Variants in DDAH1 observed in about 807,000 individuals in gnomAD.
The protein encoded by DDAH1 is N(G),N(G)-dimethylarginine dimethylaminohydrolase 1.
In DDAH1, 19 loss-of-function variants were observed where a neutral mutation model predicts 28.8. The ratio of observed to expected loss-of-function variants is 0.66; its 90% CI spans 0.46 to 0.97. The LOEUF (loss-of-function observed/expected upper bound fraction) is 0.97, where lower values mean the gene tolerates loss of function less well. Ranked by LOEUF, DDAH1 falls within the 50% of genes least tolerant of loss-of-function variation. DDAH1 has a pLI of 0.00. For missense variants in DDAH1, 326 were observed against 375.9 expected (o/e 0.87, Z 1.10); for synonymous variants, 153 against 154.4 (o/e 0.99, Z 0.07).
intron 2 of DDAH1, 23 bp from the exon 3 acceptor site, chr1:85,351,602 TAGTG>T: frequency 6.3e-7 from 1 of 1,591,470 alleles, no homozygotes; most frequent in Non-Finnish European, 8.6e-7. Flanking sequence ...TCATGGAACA[TAGTG>T]AGCAGGTGGC....
intron 1 of DDAH1, among the ~76,000 whole-genome samples, chr1:85,421,343 C>T (rs558964583): frequency 2.5e-4 from 38 of 152,264 alleles, no homozygotes; most frequent in African/African-American, 8.4e-4. Flanking sequence ...TCCAAAGTTA[C>T]TGAGGTCAGC....
At chr1:85,351,376 A>C (rs541767612) in intron 3 of DDAH1, 130 bp downstream of exon 3, 1 of 740,698 alleles carries the variant, frequency 1.4e-6, no homozygotes, top group South Asian at 1.9e-5. Context: ...TAGTAAATGT[A>C]CAAACATTAC....
chr1:85,519,320 T>C (rs2100760474), intron 1 of DDAH1, among the ~76,000 whole-genome samples: 1 of 152,238 alleles, frequency 6.6e-6, no homozygotes, highest in African/African-American at 2.4e-5. Flanking sequence ...ATGGTCTCGA[T>C]ATCCTGACCT....
intron 1 of DDAH1, among the ~76,000 whole-genome samples, chr1:85,557,913 C>T (rs1037753961): frequency 6.6e-6 from 1 of 152,166 alleles, no homozygotes; most frequent in Non-Finnish European, 1.5e-5. Context: ...TGATCTCAGA[C>T]TTCTAGCCTC....
intron 1 of DDAH1, among the ~76,000 whole-genome samples, chr1:85,428,504 T>C (rs1351805394): frequency 6.6e-6 from 1 of 152,080 alleles, no homozygotes. Flanking sequence ...GTCCCTCCCA[T>C]GGCACGTGGG....
intron 1 of DDAH1, among the ~76,000 whole-genome samples, chr1:85,385,912 T>G (rs1429438936): frequency 6.6e-6 from 1 of 152,032 alleles, no homozygotes; most frequent in Non-Finnish European, 1.5e-5. Flanking sequence ...AGAGATCACA[T>G]GGTGAGAGAG....
chr1:85,546,769 T>C (rs1416006983), intron 1 of DDAH1, among the ~76,000 whole-genome samples: 1 of 152,030 alleles, frequency 6.6e-6, no homozygotes, highest in African/African-American at 2.4e-5. Context: ...TTTGAGAAAT[T>C]AAGGAGAACT....
At chr1:85,552,524 T>C (rs1310878265) in intron 1 of DDAH1, among the ~76,000 whole-genome samples, 4 of 152,200 alleles carry the variant, frequency 2.6e-5, no homozygotes, top group Non-Finnish European at 5.9e-5. Flanking sequence ...TAATGGCCAC[T>C]TCCTCAAGGA....
upstream of DDAH1, chr1:85,467,668 A>T (rs185921765): frequency 2.0e-5 from 3 of 152,368 alleles, no homozygotes; most frequent in East Asian, 5.8e-4. Flanking sequence ...CCATTAGATT[A>T]TAGTTTACAT....
intron 1 of DDAH1, among the ~76,000 whole-genome samples, chr1:85,361,588 A>C (rs1649800891): frequency 6.6e-6 from 1 of 152,228 alleles, no homozygotes; most frequent in Non-Finnish European, 1.5e-5. Context: ...TAGAGTATAA[A>C]GTATATACAG....
chr1:85,339,134 G>A (rs1373862007), intron 4 of DDAH1, among the ~76,000 whole-genome samples: 2 of 151,860 alleles, frequency 1.3e-5, no homozygotes, highest in Non-Finnish European at 2.9e-5. Context: ...GGTAGTAGCC[G>A]AACTTTATGG....
At chr1:85,382,722 G>A (rs1211493421) in intron 1 of DDAH1, among the ~76,000 whole-genome samples, 2 of 152,174 alleles carry the variant, frequency 1.3e-5, no homozygotes, top group Non-Finnish European at 2.9e-5. Context: ...TCTTGTTAGA[G>A]GTTAATGGAG....
At chr1:85,332,709 C>T (rs1180174291) in intron 4 of DDAH1, among the ~76,000 whole-genome samples, 1 of 152,206 alleles carries the variant, frequency 6.6e-6, no homozygotes, top group African/African-American at 2.4e-5. Context: ...GGGGGCCTAA[C>T]AGGACCAGAA....
chr1:85,377,282 C>CTGTT (rs1650722602), intron 1 of DDAH1, among the ~76,000 whole-genome samples: 1 of 152,062 alleles, frequency 6.6e-6, no homozygotes, highest in African/African-American at 2.4e-5. Context: ...GAATAGAAAG[C>CTGTT]TGTTTCTACT....
At chr1:85,444,551 T>A (rs1381866046) in intron 1 of DDAH1, among the ~76,000 whole-genome samples, 1 of 152,234 alleles carries the variant, frequency 6.6e-6, no homozygotes, top group Admixed American at 6.5e-5. Flanking sequence ...ACAGGCATCC[T>A]GACCTCAAGT....
chr1:85,546,002 C>G (rs1420120686), intron 1 of DDAH1, among the ~76,000 whole-genome samples: 3 of 151,884 alleles, frequency 2.0e-5, no homozygotes, highest in African/African-American at 7.3e-5. Flanking sequence ...AAAATGGGAG[C>G]AACAATAGTC....
chr1:85,340,268 T>C (rs550146416), intron 4 of DDAH1, among the ~76,000 whole-genome samples: 14 of 152,290 alleles, frequency 9.2e-5, no homozygotes, highest in African/African-American at 3.4e-4. Context: ...ATTCCTAAAA[T>C]GTGAATCTAG....
At chr1:85,393,421 C>G (rs1017095942) in intron 1 of DDAH1, among the ~76,000 whole-genome samples, 4 of 152,220 alleles carry the variant, frequency 2.6e-5, no homozygotes, top group African/African-American at 9.7e-5. Context: ...TTAGAGGGCT[C>G]TACCCTGAAG....
At chr1:85,461,198 T>C (rs485987) in intron 1 of DDAH1, among the ~76,000 whole-genome samples, 1 of 152,160 alleles carries the variant, frequency 6.6e-6, no homozygotes, top group Non-Finnish European at 1.5e-5. Flanking sequence ...TCTAACGGCT[T>C]ATTTTTCTTT....
Sources: allele counts gnomAD v4.1 joint callset (sites outside exome capture counted in the v4.1 genomes callset), GRCh38; gene constraint gnomAD v4.1.1; transcripts MANE v1.5; gene names NCBI Gene and HGNC (gene_info 2026-07-23, HGNC 2026-07-21).